The following ZNF334 variants were observed in gnomAD, a reference collection of about 807,000 sequenced individuals.
ZNF334 encodes the protein zinc finger protein 334.
ZNF334 carries 14 observed loss-of-function variants against 12.4 expected under a neutral mutation model. The ratio of observed to expected loss-of-function variants is 1.13; its 90% CI spans 0.74 to 1.76. ZNF334 has a LOEUF of 1.76. ZNF334 is among the 40% of genes most tolerant of loss of function. ZNF334 has a pLI of 0.00. For missense variants in ZNF334, 797 were observed against 804.5 expected, an observed-to-expected ratio of 0.99 and a Z score of 0.11; for synonymous variants, 273 against 269.6, an observed-to-expected ratio of 1.01 and a Z score of -0.12.
In ZNF334 at chr20:46,512,686, G is replaced by A. The variant is rs967922763; in HGVS notation, c.-185C>T. 1 of 152,282 alleles carries A rather than the reference G, an allele frequency of 6.6e-6. No individual in the cohort carries two copies. Among genetic ancestry groups the A allele is most frequent in the African/African-American group, 2.4e-5 (1 of 41,456 alleles). 9.4% of individuals were successfully genotyped at this position (152,282 alleles called of 1,614,324 possible). ...AGGACCTTTTACTAAGAAACTTCTTGTGGTAGGTAACGTAAATGTGGTAGA... is the reference window on the plus strand; with the variant it reads ...AGGACCTTTTACTAAGAAACTTCTTATGGTAGGTAACGTAAATGTGGTAGA... On this transcript the variant is annotated 5_prime_UTR_variant, in exon 1 of 5. Coordinates refer to ENST00000692313, the MANE Select transcript of ZNF334 (RefSeq NM_001353824.2).
the ZNF334 span, among the ~76,000 whole-genome samples, chr20:46,471,287 T>C: frequency 6.6e-6 from 1 of 152,178 alleles, no homozygotes; most frequent in African/African-American, 2.4e-5. Flanking sequence ...GTTCAAGTAT[T>C]TTGCCCATTT....
At position 46,503,080 on chromosome 20, in the gene ZNF334, C is replaced by G. The variant is rs1346309145; in HGVS notation, c.259G>C (p.Glu87Gln). Residue 87 changes from glutamate to glutamine, a missense_variant, in exon 5 of 5, where the codon GAG (glutamate) becomes CAG (glutamine). Transcript: ENST00000692313. Reference sequence around the variant, plus strand: ...TTATCTTGGATTTCCTTGTTCTTCTCTAAGGCATCATCAATGTCTAGAAAA... The same window carrying G: ...TTATCTTGGATTTCCTTGTTCTTCTGTAAGGCATCATCAATGTCTAGAAAA... ...QNYPDIDDAL[E>Q]KNKEIQDKHL... The G allele has an allele frequency of 5.6e-6, 9 of 1,600,792 alleles. No homozygotes were observed. In the Middle Eastern group the frequency reaches 6.7e-4, roughly 119 times the overall value.
At chr20:46,507,796 C>T (rs765199053) in intron 2 of ZNF334, among the ~76,000 whole-genome samples, 2 of 152,212 alleles carry the variant, frequency 1.3e-5, no homozygotes, top group African/African-American at 2.4e-5. Flanking sequence ...ACTTAACTGT[C>T]TCTTAAACCA....
At chr20:46,495,845 G>C (rs989213339), downstream of ZNF334, among the ~76,000 whole-genome samples, 28 of 152,254 alleles carry the variant, frequency 1.8e-4, no homozygotes, top group African/African-American at 6.5e-4. Flanking sequence ...TGTAGTGCTT[G>C]GGAACAGCAA....
the ZNF334 span, among the ~76,000 whole-genome samples, chr20:46,480,275 G>A: frequency 1.3e-5 from 2 of 152,106 alleles, no homozygotes; most frequent in African/African-American, 4.8e-5. Flanking sequence ...GACATGTTTG[G>A]GGGGCAATTG....
chr20:46,481,567 G>T, the ZNF334 span, among the ~76,000 whole-genome samples: 2 of 152,208 alleles, frequency 1.3e-5, no homozygotes, highest in African/African-American at 4.8e-5. Context: ...TCAGTTTGAA[G>T]TTGGACAGCT....
the ZNF334 span, among the ~76,000 whole-genome samples, chr20:46,465,711 T>C: frequency 6.6e-6 from 1 of 151,270 alleles, no homozygotes; most frequent in Non-Finnish European, 1.5e-5. Context: ...TCCCAGCACT[T>C]TGGGAGGCTG....
At chr20:46,467,384 A>G in the ZNF334 span, among the ~76,000 whole-genome samples, 1 of 152,214 alleles carries the variant, frequency 6.6e-6, no homozygotes, top group East Asian at 1.9e-4. Context: ...AAAATTAAAA[A>G]TCTGCTTCAC....
intron 2 of ZNF334, among the ~76,000 whole-genome samples, chr20:46,507,326 T>C (rs537274237): frequency 3.2e-4 from 48 of 152,008 alleles, no homozygotes; most frequent in African/African-American, 1.2e-3. Flanking sequence ...AGTGTCAAGG[T>C]TGTAAGTGAC....
chr20:46,500,696 G>A lies in ZNF334; in HGVS notation c.*600C>T, dbSNP rs1357917010. On this transcript the variant is annotated 3_prime_UTR_variant, in exon 5 of 5. Coordinates refer to ENST00000692313, the MANE Select transcript of ZNF334 (RefSeq NM_001353824.2). ...CTATCTTCCATTAGAAAGGTCTTAG[G>A]AAGGGCTTTCACTGGCTCAGCTTTA... The A allele has an allele frequency of 1.3e-5, 2 of 151,032 alleles. No individual in the cohort carries two copies. Among genetic ancestry groups the A allele is most frequent in the Non-Finnish European group, 3.0e-5 (2 of 67,308 alleles). 9.4% of individuals were successfully genotyped at this position (151,032 alleles called of 1,614,324 possible).
the ZNF334 span, among the ~76,000 whole-genome samples, chr20:46,487,930 C>G: frequency 6.6e-6 from 1 of 152,162 alleles, no homozygotes; most frequent in Non-Finnish European, 1.5e-5. Flanking sequence ...CTAAGGGCAC[C>G]TGGCAATGTC....
At chr20:46,478,547 T>TA in the ZNF334 span, among the ~76,000 whole-genome samples, 1 of 152,196 alleles carries the variant, frequency 6.6e-6, no homozygotes, top group Non-Finnish European at 1.5e-5. Flanking sequence ...TTATCAGACT[T>TA]AGAGAGTCTG....
the ZNF334 span, chr20:46,463,929 A>C: frequency 1.9e-6 from 1 of 535,032 alleles, no homozygotes. Flanking sequence ...CCAGATCATC[A>C]TGGAACAAGT....
intron 2 of ZNF334, chr20:46,509,787 AT>A: frequency 1.5e-6 from 1 of 657,912 alleles, no homozygotes; most frequent in African/African-American, 1.8e-5. Flanking sequence ...GGTGGGTGGC[AT>A]TAACTAAGAG....
At chr20:46,490,975 T>C in the ZNF334 span, 2 of 152,744 alleles carry the variant, frequency 1.3e-5, no homozygotes, top group Admixed American at 1.3e-4. Flanking sequence ...CTTTTGGGCA[T>C]GTGTCACAAC....
chr20:46,508,053 A>C (rs1044117341), intron 2 of ZNF334, among the ~76,000 whole-genome samples: 1 of 152,220 alleles, frequency 6.6e-6, no homozygotes, highest in African/African-American at 2.4e-5. Flanking sequence ...ACTTCATAGC[A>C]GAAAGTCCAA....
At chr20:46,488,565 T>C in the ZNF334 span, among the ~76,000 whole-genome samples, 1 of 151,562 alleles carries the variant, frequency 6.6e-6, no homozygotes, top group Non-Finnish European at 1.5e-5. Context: ...GAGATTTAAG[T>C]AATAGTAATA....
At chr20:46,503,817 C>T (rs544910941) in intron 4 of ZNF334, among the ~76,000 whole-genome samples, 4 of 152,238 alleles carry the variant, frequency 2.6e-5, no homozygotes, top group African/African-American at 7.2e-5. Context: ...CGTGTTATTT[C>T]TGTTAAGTGA....
At chr20:46,492,734 C>A in the ZNF334 span, 1 of 152,184 alleles carries the variant, frequency 6.6e-6, no homozygotes, top group South Asian at 2.1e-4. Flanking sequence ...AAGCCTAATT[C>A]TTCGTGGATT....
Sources: allele counts gnomAD v4.1 joint callset (sites outside exome capture counted in the v4.1 genomes callset), GRCh38; gene constraint gnomAD v4.1.1; transcripts MANE v1.5; gene names NCBI Gene and HGNC (gene_info 2026-07-23, HGNC 2026-07-21).